The following TSPAN6 variants were observed in gnomAD, a reference collection of about 807,000 sequenced individuals.
TSPAN6 encodes the protein tetraspanin 6, also known as tetraspanin-6.
A neutral mutation model predicts 18.0 loss-of-function variants in TSPAN6; 13 were observed. The observed-to-expected ratio is 0.72, with a 90% CI of 0.47 to 1.15. The LOEUF is 1.15. TSPAN6 is among the 50% of genes most tolerant of loss of function. TSPAN6 has a pLI of 0.00. For synonymous variants in TSPAN6, 82 were observed against 67.0 expected, an observed-to-expected ratio of 1.22 and a Z score of -1.09; for missense variants, 186 against 183.9, an observed-to-expected ratio of 1.01 and a Z score of -0.07.
chrX:100,634,133 C>T, intron 3 of TSPAN6, 104 bp from the exon 4 acceptor site: 1 of 504,463 alleles, frequency 2.0e-6, no homozygotes, highest in Non-Finnish European at 3.4e-6. Flanking sequence ...TCTTTGACAG[C>T]AGCAACATGT....
chrX:100,635,279 T>C lies in TSPAN6; in HGVS notation c.277-27A>G, dbSNP rs779502112. On this transcript the variant is annotated intron_variant, in intron 2 of 7. Transcript: ENST00000373020. Reference sequence around the variant, plus strand: ...TGCAGGATAAGAAAGAAAGTCCAAGTCAGCATAAATAAGATATAGCACAAC... The same window carrying C: ...TGCAGGATAAGAAAGAAAGTCCAAGCCAGCATAAATAAGATATAGCACAAC... 3 of 1,104,851 alleles carry C rather than the reference T, an allele frequency of 2.7e-6. No homozygotes were observed. In the South Asian group the frequency reaches 5.9e-5, roughly 22 times the overall value. The allele number at this position is 1,104,851 out of a possible 1,213,427, so 91.1% of individuals were successfully genotyped here. A position where few individuals can be genotyped will look rare whatever the true frequency, so the allele number is the denominator to read the frequency against.
At position 100,633,941 on chromosome X, in the gene TSPAN6, A is replaced by G; in HGVS notation, c.440T>C (p.Ile147Thr). The G allele has an allele frequency of 8.4e-7, 1 of 1,193,999 alleles. No individual in the cohort carries two copies. The change falls in exon 4 of 8, where the codon ATC becomes ACC. Residue 147 changes from isoleucine to threonine, a missense_variant. Ile to Thr is a moderately conservative substitution (Grantham distance 89). Transcript: ENST00000373020. ...GTGGTTACCACTTACCGTATTTTGGATCTTGTCTACTGCATGGCTTCTATA... is the reference window on the plus strand; with the variant it reads ...GTGGTTACCACTTACCGTATTTTGGGTCTTGTCTACTGCATGGCTTCTATA... The part of the protein sequence containing the change: ...GDYRSHAVDK[I>T]QNTLHCCGVT...
rs755611219 is a variant in TSPAN6, at chrX:100,632,544, T to C, written c.610A>G (p.Ile204Val). The change falls in exon 6 of 8, where the codon ATT (isoleucine) becomes GTT (valine). Residue 204 changes from isoleucine (I) to valine (V), a missense_variant. Transcript: ENST00000373020. Reference sequence around the variant, plus strand: ...ACGACTCCCATTTCTGACTCTATAATGGTCATCACCTTTATAAAACAACCC... The same window carrying C: ...ACGACTCCCATTTCTGACTCTATAACGGTCATCACCTTTATAAAACAACCC... ...NEGCFIKVMT[I>V]IESEMGVVAG... The C allele has an allele frequency of 9.1e-6, 11 of 1,204,783 alleles. No homozygotes were observed. The highest frequency in any genetic ancestry group is 1.2e-5 in the Non-Finnish European group (11 of 891,122).
intron 4 of TSPAN6, 24 bp downstream of exon 4, chrX:100,633,907 C>T: frequency 9.2e-7 from 1 of 1,082,912 alleles, no homozygotes; most frequent in East Asian, 3.0e-5. Context: ...ATGTGTTCCC[C>T]TCTAGGTGGT....
intron 3 of TSPAN6, 85 bp downstream of exon 3, chrX:100,635,093 G>A (rs1486638118): frequency 2.8e-6 from 2 of 719,467 alleles, no homozygotes; most frequent in African/African-American, 2.1e-5. Context: ...TAAATACAGA[G>A]GTCTGACTCT....
rs769963096 is a variant in TSPAN6, at chrX:100,636,720, G to A, written c.-26C>T. 15 of 1,177,656 alleles carry A rather than the reference G, an allele frequency of 1.3e-5. No individual in the cohort carries two copies. The African/African-American group carries it at 2.0e-4, about 15-fold the overall frequency. ...GACTAGCCCGAGACCCTGCACCACC[G>A]CACCGGGCGATTGGAACACAGAGAG... On this transcript the variant is annotated 5_prime_UTR_variant, in exon 1 of 8. Coordinates refer to ENST00000373020, the MANE Select transcript of TSPAN6 (RefSeq NM_003270.4).
At position 100,636,729 on chromosome X, in the gene TSPAN6, G is replaced by T. The variant is rs1312527014; in HGVS notation, c.-35C>A. 1 of 1,175,696 alleles carries T rather than the reference G, an allele frequency of 8.5e-7. No homozygotes were observed. Among genetic ancestry groups the T allele is most frequent in the Non-Finnish European group, 1.1e-6 (1 of 877,977 alleles). On this transcript the variant is annotated 5_prime_UTR_variant, in exon 1 of 8. Transcript: ENST00000373020. Reference sequence around the variant, plus strand: ...GAGACCCTGCACCACCGCACCGGGCGATTGGAACACAGAGAGCGAGACGCG... The same window carrying T: ...GAGACCCTGCACCACCGCACCGGGCTATTGGAACACAGAGAGCGAGACGCG...
At position 100,629,908 on chromosome X, in the gene TSPAN6, T is replaced by G; in HGVS notation, c.*118A>C. The G allele has an allele frequency of 1.5e-6, 1 of 668,013 alleles. No homozygotes were observed. The highest frequency in any genetic ancestry group is 1.8e-6 in the Non-Finnish European group (1 of 560,466). The allele number at this position is 668,013 out of a possible 1,213,427, so 55.1% of individuals were successfully genotyped here. On this transcript the variant is annotated 3_prime_UTR_variant, in exon 8 of 8. Coordinates refer to ENST00000373020, the MANE Select transcript of TSPAN6 (RefSeq NM_003270.4). ...GATTGAATCAACCTACTGGTGTAGT[T>G]TTTTGGTCTATCAGTAAGTAGTGTT...
chrX:100,630,800 A>T lies in TSPAN6; in HGVS notation c.736T>A (p.Ter246LysextTer16). 8.3e-7 allele frequency: 1 copy of T among 1,210,767 alleles called. No individual in the cohort carries two copies. Among genetic ancestry groups the T allele is most frequent in the Non-Finnish European group, 1.1e-6 (1 of 894,658 alleles). The change falls in exon 7 of 8, where the codon TAA becomes AAA. Residue 246 changes from the stop codon to lysine (K), a stop_lost. Transcript: ENST00000373020. ...AITNNQYEIV[*>K] Reference sequence around the variant, plus strand: ...AATAGGCCCACAGATACATTGGGTTACACTATCTCATACTGGTTATTTGTT... The same window carrying T: ...AATAGGCCCACAGATACATTGGGTTTCACTATCTCATACTGGTTATTTGTT...
At chrX:100,632,997 C>T (rs767657475) in intron 5 of TSPAN6, among the ~76,000 whole-genome samples, 2 of 111,516 alleles carry the variant, frequency 1.8e-5, no homozygotes, top group East Asian at 2.8e-4. Context: ...AATTCTTACC[C>T]GCCCTATCTA....
In TSPAN6 at chrX:100,635,596, A is replaced by G. The variant is rs2083088726; in HGVS notation, c.238T>C (p.Phe80Leu). ...CATGCAGAAGCTCGGCAGGTAGCAA[A>G]ACAACCAAAGGTGCCCAAAAGAATA... is the stretch of plus-strand genomic sequence containing the variant. ...VIILLGTFGC[F>L]ATCRASAWML... Residue 80 changes from phenylalanine to leucine, a missense_variant, in exon 2 of 8, where the codon TTT becomes CTT. Phe to Leu is a conservative substitution (Grantham distance 22). Coordinates refer to ENST00000373020, the MANE Select transcript of TSPAN6 (RefSeq NM_003270.4). 8.3e-7 allele frequency: 1 copy of G among 1,200,558 alleles called. No individual in the cohort carries two copies. The highest frequency in any genetic ancestry group is 1.7e-5 in the African/African-American group (1 of 57,734).
chrX:100,635,145 G>A (rs377508757), intron 3 of TSPAN6, 33 bp downstream of exon 3: 41 of 1,083,915 alleles, frequency 3.8e-5, no homozygotes, highest in Admixed American at 1.2e-4. Context: ...GAGGATAAAT[G>A]TAACATGCTA....
chrX:100,628,879 CA>C lies in TSPAN6; in HGVS notation c.*1146del, dbSNP rs972800600. 5 of 111,650 alleles carry C rather than the reference CA, an allele frequency of 4.5e-5. No homozygotes were observed. The highest frequency in any genetic ancestry group is 7.5e-5 in the Non-Finnish European group (4 of 53,164). 9.2% of individuals were successfully genotyped at this position (111,650 alleles called of 1,213,427 possible). On this transcript the variant is annotated 3_prime_UTR_variant, in exon 8 of 8. Transcript: ENST00000373020. ...GGGAACAGTTTTTTTTAAACAAAAA[CA>C]TTTTTTTTAATACAGAGTTAAGGCC...
At chrX:100,633,653 C>G (rs1183697396) in intron 4 of TSPAN6, 114 bp from the exon 5 acceptor site, 1 of 793,852 alleles carries the variant, frequency 1.3e-6, no homozygotes, top group African/African-American at 2.1e-5. Flanking sequence ...TCTCAATGAT[C>G]TCTCTCCTCA....
intron 5 of TSPAN6, among the ~76,000 whole-genome samples, chrX:100,633,045 G>A: frequency 8.9e-6 from 1 of 112,520 alleles, no homozygotes; most frequent in East Asian, 2.8e-4. Context: ...CTGGCCAGGT[G>A]CAGTGGCTCA....
chrX:100,631,625 T>A (rs150047148), intron 6 of TSPAN6, among the ~76,000 whole-genome samples: 7 of 111,586 alleles, frequency 6.3e-5, no homozygotes, highest in African/African-American at 2.3e-4. Context: ...GGTGGCATCA[T>A]CTAAATTTTA....
At chrX:100,632,907 CAGAG>C (rs1389546652) in intron 5 of TSPAN6, among the ~76,000 whole-genome samples, 1 of 103,526 alleles carries the variant, frequency 9.7e-6, no homozygotes, top group Non-Finnish European at 2.0e-5. Flanking sequence ...GACTGGGTGA[CAGAG>C]AGAGACACTG....
intron 1 of TSPAN6, chrX:100,636,061 A>AT (rs2083092849): frequency 4.2e-5 from 25 of 596,651 alleles, no homozygotes; most frequent in Non-Finnish European, 5.3e-5. Flanking sequence ...GAAAAAAAAA[A>AT]CGTGATTTTA....
rs760433475 is a variant in TSPAN6, at chrX:100,633,485, A to T, written c.505T>A (p.Ser169Thr). Reference protein sequence around the residue: ...YRDWTDTNYYSEKGFPKSCCK... With the variant: ...YRDWTDTNYYTEKGFPKSCCK... ...CAACTCTTAGGAAATCCTTTTTCTG[A>T]GTAATAATTAGTATCTGTCCAATCT... Residue 169 changes from serine (S) to threonine (T), a missense_variant, in exon 5 of 8, where the codon TCA becomes ACA. Ser to Thr is a moderately conservative substitution (Grantham distance 58, BLOSUM62 1). Transcript: ENST00000373020. The T allele has an allele frequency of 3.3e-6, 4 of 1,206,285 alleles. No homozygotes were observed. In the Admixed American group the frequency reaches 6.6e-5, roughly 20 times the overall value.
Sources: allele counts gnomAD v4.1 joint callset (sites outside exome capture counted in the v4.1 genomes callset), GRCh38; gene constraint gnomAD v4.1.1; transcripts MANE v1.5; gene names NCBI Gene and HGNC (gene_info 2026-07-23, HGNC 2026-07-21).